The following GJC3 variants were observed in gnomAD, a reference collection of about 807,000 sequenced individuals.
GJC3 encodes gap junction gamma-3 protein.
Under a neutral mutation model 19.8 loss-of-function variants are expected in GJC3, and 17 were observed. The observed-to-expected ratio is 0.86, with a 90% CI of 0.59 to 1.29. The LOEUF (loss-of-function observed/expected upper bound fraction) is 1.29, where lower values mean the gene tolerates loss of function less well. GJC3 is among the 50% of genes most tolerant of loss of function. The pLI, the probability that GJC3 is intolerant of heterozygous loss-of-function variation, is 0.00. For missense variants in GJC3, 317 were observed against 332.5 expected (o/e 0.95, Z 0.36); for synonymous variants, 140 against 136.5 (o/e 1.03, Z -0.18).
Position 99,929,039 on chromosome 7 carries a change from G to A in GJC3, c.582C>T (p.Thr194=). ...GACAGAAACCGCTGACTCCAAACAT[G>A]GTCTTTAGGAAAATGGTCTTCTCAG... ...RPSEKTIFLK[T]MFGVSGFCLL... Residue 194 remains threonine (T), a synonymous_variant, in exon 1 of 2, where the codon ACC becomes ACT. Transcript: ENST00000312891. The A allele has an allele frequency of 6.2e-7, 1 of 1,614,144 alleles. No homozygotes were observed. The highest frequency in any genetic ancestry group is 8.5e-7 in the Non-Finnish European group (1 of 1,180,030).
At chr7:99,929,808 G>C, upstream of GJC3, 3 of 630,952 alleles carry the variant, frequency 4.8e-6, no homozygotes, top group South Asian at 3.8e-5. Context: ...AATCATCTAT[G>C]TAAAATAATA....
Position 99,928,831 on chromosome 7 carries a change from C to G in GJC3, c.781+9G>C, listed in dbSNP as rs769016715. On this transcript the variant is annotated intron_variant, in intron 1 of 1. Coordinates refer to ENST00000312891, the MANE Select transcript of GJC3 (RefSeq NM_181538.3). ...CATCAGTGACAGGAAGAGAGCGTGT[C>G]CTTCTCACCTGCTTCTTGAAATTGC... is the stretch of plus-strand genomic sequence containing the variant. 20 of 1,612,932 alleles carry G rather than the reference C, an allele frequency of 1.2e-5. No individual in the cohort carries two copies. The East Asian group carries it at 4.5e-4, about 36-fold the overall frequency.
chr7:99,924,891 A>G (rs571237023), intron 1 of GJC3, among the ~76,000 whole-genome samples: 41 of 152,268 alleles, frequency 2.7e-4, no homozygotes, highest in Non-Finnish European at 5.1e-4. Flanking sequence ...CTCCAGTCTT[A>G]TCTTGTATTT....
At chr7:99,926,599 T>C (rs535423742) in intron 1 of GJC3, among the ~76,000 whole-genome samples, 1 of 152,348 alleles carries the variant, frequency 6.6e-6, no homozygotes, top group African/African-American at 2.4e-5. Flanking sequence ...TATTGCATGA[T>C]TCCATTTGTA....
At chr7:99,927,009 C>G (rs1819814563) in intron 1 of GJC3, among the ~76,000 whole-genome samples, 1 of 152,196 alleles carries the variant, frequency 6.6e-6, no homozygotes, top group Non-Finnish European at 1.5e-5. Context: ...GTCCCAGTAC[C>G]CACTAGAAGT....
chr7:99,924,105 G>A (rs1169212120), intron 1 of GJC3, among the ~76,000 whole-genome samples: 5 of 152,300 alleles, frequency 3.3e-5, no homozygotes, highest in African/African-American at 7.2e-5. Context: ...ATTTTAGAAC[G>A]GGAAAATACA....
At chr7:99,924,826 T>C (rs191912393) in intron 1 of GJC3, among the ~76,000 whole-genome samples, 64 of 152,358 alleles carry the variant, frequency 4.2e-4, no homozygotes, top group Non-Finnish European at 2.1e-4. Flanking sequence ...CAAACTCCTG[T>C]CATTTTGTGG....
chr7:99,923,900 C>T (rs147610179), intron 1 of GJC3, among the ~76,000 whole-genome samples: 2 of 152,108 alleles, frequency 1.3e-5, no homozygotes, highest in Non-Finnish European at 2.9e-5. Context: ...TTCAAAATGT[C>T]CAGGATACAA....
At chr7:99,928,746 A>T (rs1819845842) in intron 1 of GJC3, 94 bp downstream of exon 1, 1 of 1,181,110 alleles carries the variant, frequency 8.5e-7, no homozygotes, top group Non-Finnish European at 1.3e-6. Context: ...TAACATGCAG[A>T]AGTTGTACTT....
chr7:99,927,420 T>A (rs769129466), intron 1 of GJC3, among the ~76,000 whole-genome samples: 1 of 152,194 alleles, frequency 6.6e-6, no homozygotes, highest in Non-Finnish European at 1.5e-5. Context: ...TTGGTCACTT[T>A]GGCTGGGCTC....
In GJC3 at chr7:99,929,572, A is replaced by G. The variant is rs767212211; in HGVS notation, c.49T>C (p.Ser17Pro). ...AGCAAGAGGCGCCCCACGGGGGTGGAGCGCCGGCTCTCCTCCGCCAGCAGC... is the reference window on the plus strand; with the variant it reads ...AGCAAGAGGCGCCCCACGGGGGTGGGGCGCCGGCTCTCCTCCGCCAGCAGC... The part of the protein sequence containing the change: ...RRLLAEESRR[S>P]TPVGRLLLPV... The change falls in exon 1 of 2, where the codon TCC becomes CCC. Residue 17 changes from serine (S) to proline (P), a missense_variant. By Grantham distance (74) the Ser-to-Pro change is moderately conservative. Coordinates refer to ENST00000312891, the MANE Select transcript of GJC3 (RefSeq NM_181538.3). 1.1e-5 allele frequency: 18 copies of G among 1,611,710 alleles called. No individual in the cohort carries two copies. Among genetic ancestry groups the G allele is most frequent in the Non-Finnish European group, 1.5e-5 (18 of 1,179,764 alleles).
chr7:99,924,628 A>G (rs1819755254), intron 1 of GJC3, among the ~76,000 whole-genome samples: 1 of 152,220 alleles, frequency 6.6e-6, no homozygotes, highest in African/African-American at 2.4e-5. Context: ...GCGGTGGAGT[A>G]TCTACATTCT....
rs774131696 is a variant in GJC3, at chr7:99,929,165, C to CAGG, written c.453_455dup (p.Leu152dup). 6.2e-7 allele frequency: 1 copy of CAGG among 1,613,844 alleles called. No individual in the cohort carries two copies. The highest frequency in any genetic ancestry group is 8.5e-7 in the Non-Finnish European group (1 of 1,179,882). ...ACCCATACAGGTGGTACTGCAACCCCAGGGCTGCCCCCTCCAGGACAAGCC... is the reference window on the plus strand; with the variant it reads ...ACCCATACAGGTGGTACTGCAACCCCAGGAGGGCTGCCCCCTCCAGGACAAGCC... On this transcript the variant is annotated inframe_insertion, in exon 1 of 2. Transcript: ENST00000312891.
intron 1 of GJC3, among the ~76,000 whole-genome samples, chr7:99,925,651 C>T (rs1365057960): frequency 1.3e-5 from 2 of 151,914 alleles, no homozygotes; most frequent in Admixed American, 1.3e-4. Context: ...TATCTAATAC[C>T]CACAATATAT....
chr7:99,923,680 A>G (rs950139361), intron 1 of GJC3, 77 bp from the exon 2 acceptor site: 1 of 744,944 alleles, frequency 1.3e-6, no homozygotes, highest in African/African-American at 1.7e-5. Context: ...AAACCCAAGG[A>G]CCCTGGGTTA....
In GJC3 at chr7:99,929,556, C is replaced by T. The variant is rs200074250; in HGVS notation, c.65G>A (p.Arg22His). The change falls in exon 1 of 2, where the codon CGC becomes CAC. Residue 22 changes from arginine (R) to histidine (H), a missense_variant. Arg to His is a conservative substitution (Grantham distance 29, BLOSUM62 0). Coordinates refer to ENST00000312891, the MANE Select transcript of GJC3 (RefSeq NM_181538.3). ...TCCCAGGAGCACGGGAAGCAAGAGG[C>T]GCCCCACGGGGGTGGAGCGCCGGCT... Reference protein sequence around the residue: ...EESRRSTPVGRLLLPVLLGFR... With the variant: ...EESRRSTPVGHLLLPVLLGFR... The T allele has an allele frequency of 6.6e-4, 1,061 of 1,613,148 alleles. 1 individual carries two copies. Among genetic ancestry groups the T allele is most frequent in the Non-Finnish European group, 8.0e-4 (943 of 1,179,958 alleles).
intron 1 of GJC3, among the ~76,000 whole-genome samples, chr7:99,924,207 T>A (rs1462731367): frequency 6.6e-6 from 1 of 152,200 alleles, no homozygotes; most frequent in East Asian, 1.9e-4. Context: ...GAGGTAGTAT[T>A]TGATGGGTTT....
rs1316085997 is a variant in GJC3, at chr7:99,923,610, A to G, written c.782-7T>C. 1 of 780,988 alleles carries G rather than the reference A, an allele frequency of 1.3e-6. No individual in the cohort carries two copies. Among genetic ancestry groups the G allele is most frequent in the East Asian group, 2.4e-5 (1 of 41,256 alleles). 48.4% of individuals were successfully genotyped at this position (780,988 alleles called of 1,614,324 possible). On this transcript the variant is annotated splice_polypyrimidine_tract_variant and splice_region_variant and intron_variant, in intron 1 of 1. Transcript: ENST00000312891. ...GCTAAGCTTCTTCCTGGAACTTTTT[A>G]AAACAAAAATTCAAGATGTAACAGT...
At chr7:99,929,723 G>A, upstream of GJC3, 1 of 1,096,540 alleles carries the variant, frequency 9.1e-7, no homozygotes, top group Non-Finnish European at 1.3e-6. Context: ...CTGAAGGCAA[G>A]CTTTTTTATT....
Sources: allele counts gnomAD v4.1 joint callset (sites outside exome capture counted in the v4.1 genomes callset), GRCh38; gene constraint gnomAD v4.1.1; transcripts MANE v1.5; gene names NCBI Gene and HGNC (gene_info 2026-07-23, HGNC 2026-07-21).